Variants in COL4A1 observed in about 807,000 individuals in gnomAD.
COL4A1 encodes the protein collagen alpha-1(IV) chain.
COL4A1 carries 40 observed loss-of-function variants against 216.6 expected under a neutral mutation model. The observed-to-expected ratio is 0.18, with a 90% CI of 0.14 to 0.24. The LOEUF (loss-of-function observed/expected upper bound fraction) is 0.24, where lower values mean the gene tolerates loss of function less well. Ranked by LOEUF, COL4A1 falls within the 10% of genes least tolerant of loss-of-function variation. The pLI, the probability that COL4A1 is intolerant of heterozygous loss-of-function variation, is 1.00. For synonymous variants in COL4A1, 839 were observed against 810.7 expected, an observed-to-expected ratio of 1.03 and a Z score of -0.59; for missense variants, 1,628 against 2,196.8, an observed-to-expected ratio of 0.74 and a Z score of 5.18.
chr13:110,239,014 C>A (rs1365293142), intron 2 of COL4A1, among the ~76,000 whole-genome samples: 1 of 152,148 alleles, frequency 6.6e-6, no homozygotes, highest in Non-Finnish European at 1.5e-5. Context: ...CCACTGTGTG[C>A]AAGGCCAAAT....
chr13:110,169,233 G>T (rs1320907371), intron 43 of COL4A1, among the ~76,000 whole-genome samples: 3 of 152,170 alleles, frequency 2.0e-5, no homozygotes, highest in African/African-American at 7.2e-5. Flanking sequence ...CCTCCTGCCA[G>T]TCCTAAGAGA....
intron 40 of COL4A1, among the ~76,000 whole-genome samples, chr13:110,173,695 A>G (rs1008491437): frequency 1.3e-5 from 2 of 152,028 alleles, no homozygotes; most frequent in Non-Finnish European, 2.9e-5. Flanking sequence ...CTCAGTATTT[A>G]TGGGATAATA....
chr13:110,199,067 C>T (rs1232593828), intron 20 of COL4A1, among the ~76,000 whole-genome samples: 1 of 152,176 alleles, frequency 6.6e-6, no homozygotes, highest in Non-Finnish European at 1.5e-5. Flanking sequence ...TAAGGACACA[C>T]AAGATGGTTC....
intron 40 of COL4A1, among the ~76,000 whole-genome samples, chr13:110,173,114 G>A (rs1450301804): frequency 6.6e-6 from 1 of 152,204 alleles, no homozygotes; most frequent in African/African-American, 2.4e-5. Flanking sequence ...TTCTCAGGGA[G>A]GTGGGGAAAG....
intron 1 of COL4A1, among the ~76,000 whole-genome samples, chr13:110,248,353 C>A (rs564355977): frequency 8.3e-6 from 1 of 120,274 alleles, no homozygotes; most frequent in Non-Finnish European, 1.7e-5. Flanking sequence ...AGGCGCTCAG[C>A]CGCCTCCGCT....
intron 18 of COL4A1, among the ~76,000 whole-genome samples, chr13:110,203,288 G>T (rs1425786108): frequency 1.3e-5 from 2 of 151,528 alleles, no homozygotes; most frequent in African/African-American, 2.4e-5. Context: ...GTGATTTAAA[G>T]ATGTGCAGAA....
intron 1 of COL4A1, among the ~76,000 whole-genome samples, chr13:110,246,296 C>G (rs1038329164): frequency 3.3e-5 from 5 of 151,704 alleles, no homozygotes; most frequent in Non-Finnish European, 7.4e-5. Context: ...TGGGTTTCAC[C>G]CTGGCATATG....
At chr13:110,244,635 C>T (rs778491646) in intron 1 of COL4A1, among the ~76,000 whole-genome samples, 17 of 152,172 alleles carry the variant, frequency 1.1e-4, no homozygotes, top group Admixed American at 6.5e-5. Flanking sequence ...GGGTCACCTG[C>T]TCCCTACCTG....
intron 23 of COL4A1, 129 bp downstream of exon 23, chr13:110,192,701 T>G: frequency 1.4e-6 from 1 of 717,942 alleles, no homozygotes; most frequent in South Asian, 1.8e-5. Flanking sequence ...GGCCCAACAT[T>G]CTTCTGATTA....
intron 4 of COL4A1, 89 bp from the exon 5 acceptor site, chr13:110,212,707 C>A (rs1879873347): frequency 6.7e-7 from 1 of 1,492,316 alleles, no homozygotes; most frequent in Admixed American, 1.7e-5. Context: ...GGAGTCATGC[C>A]CTCATTTTTG....
rs1450861847 is a variant in COL4A1 at position 110,222,498 on chromosome 13, G to A, written c.145-8483C>T. On this transcript the variant is annotated intron_variant, in intron 2 of 51. Transcript: ENST00000375820. ...AAGAATTAAGGCTTTTTCAGGCCGG[G>A]CGCGGTGGCTCACGCCTGTAATCCT... 1.3e-4 allele frequency among the ~76,000 whole-genome samples: 18 copies of A among 136,604 alleles called. 1 individual carries two copies. Among genetic ancestry groups the A allele is most frequent in the Non-Finnish European group, 1.7e-4 (10 of 60,530 alleles). 89.6% of individuals were successfully genotyped at this position (136,604 alleles called of 152,430 possible).
intron 1 of COL4A1, among the ~76,000 whole-genome samples, chr13:110,258,701 G>A (rs1472897436): frequency 6.6e-6 from 1 of 152,112 alleles, no homozygotes; most frequent in Non-Finnish European, 1.5e-5. Context: ...AATAAACAAT[G>A]TTAACTTTTT....
chr13:110,236,299 C>T (rs1180229401), intron 2 of COL4A1, among the ~76,000 whole-genome samples: 1 of 152,204 alleles, frequency 6.6e-6, no homozygotes, highest in African/African-American at 2.4e-5. Context: ...CTCTTCTCTT[C>T]TTGTATTTAG....
chr13:110,233,637 G>A (rs1345251324), intron 2 of COL4A1, among the ~76,000 whole-genome samples: 5 of 152,158 alleles, frequency 3.3e-5, no homozygotes, highest in Non-Finnish European at 7.4e-5. Flanking sequence ...GAAAAGTTGG[G>A]GAGTTGAAGA....
At chr13:110,285,600 T>C (rs1042535180) in intron 1 of COL4A1, among the ~76,000 whole-genome samples, 2 of 152,220 alleles carry the variant, frequency 1.3e-5, no homozygotes, top group African/African-American at 4.8e-5. Flanking sequence ...GATGAACATT[T>C]GAACTGGTGC....
chr13:110,205,881 A>T (rs1353166299), intron 15 of COL4A1, among the ~76,000 whole-genome samples: 3 of 152,102 alleles, frequency 2.0e-5, no homozygotes, highest in South Asian at 2.1e-4. Context: ...ATATATGTAT[A>T]TATATATAAT....
chr13:110,303,722 C>T (rs1221753236), intron 1 of COL4A1, among the ~76,000 whole-genome samples: 1 of 152,232 alleles, frequency 6.6e-6, no homozygotes, highest in East Asian at 1.9e-4. Flanking sequence ...CTGATTGTGA[C>T]ATTTACCAGC....
At chr13:110,158,334 C>T (rs1207464414) in intron 49 of COL4A1, among the ~76,000 whole-genome samples, 1 of 152,262 alleles carries the variant, frequency 6.6e-6, no homozygotes, top group East Asian at 1.9e-4. Flanking sequence ...GCCCTCTGGT[C>T]CATGGTCCCA....
intron 2 of COL4A1, among the ~76,000 whole-genome samples, chr13:110,235,063 T>C (rs973265753): frequency 1.3e-5 from 2 of 152,198 alleles, no homozygotes; most frequent in African/African-American, 4.8e-5. Flanking sequence ...AGTAAGAAAA[T>C]TGAATTTCTT....
Sources: gnomAD v4.1 joint callset for allele counts (sites outside exome capture counted in the v4.1 genomes callset) on GRCh38, gnomAD v4.1.1 for gene constraint, MANE v1.5 for transcripts, NCBI Gene and HGNC (gene_info 2026-07-23, HGNC 2026-07-21) for gene names.